SUPT3H: variants seen among roughly 807,000 people sequenced by gnomAD.
SUPT3H encodes SPT3 homolog, SAGA and STAGA complex component.
Under a neutral mutation model 44.3 loss-of-function variants are expected in SUPT3H, and 44 were observed. That is an observed-to-expected ratio of 0.99 (90% confidence interval 0.78 to 1.28). SUPT3H has a LOEUF of 1.28. SUPT3H is among the 50% of genes most tolerant of loss of function. The pLI is 0.00. For synonymous variants in SUPT3H, 124 were observed against 125.6 expected (o/e 0.99, Z 0.09); for missense variants, 380 against 387.1 (o/e 0.98, Z 0.15).
Position 45,050,030 on chromosome 6 carries a change from C to A in SUPT3H, c.187-29398G>T, listed in dbSNP as rs191391166. 5.8e-3 allele frequency among the ~76,000 whole-genome samples: 885 copies of A among 152,092 alleles called. 6 individuals carry two copies. Among genetic ancestry groups the A allele is most frequent in the Non-Finnish European group, 0.011 (720 of 67,988 alleles). On this transcript the variant is annotated intron_variant, in intron 3 of 10. Transcript: ENST00000371459. ...GGGAAAATGAAATCATATATGAAAC[C>A]CCTTACCATGAACAGGTAAAACAGA...
At chr6:45,154,087 A>AAAAAAAAAAAGC (rs70996303) in intron 2 of SUPT3H, among the ~76,000 whole-genome samples, 12 of 114,618 alleles carry the variant, frequency 1.0e-4, no homozygotes, top group Admixed American at 6.9e-4. Context: ...AAAAAAAAAA[A>AAAAAAAAAAAGC]AGCGCTTAGT....
At chr6:45,266,903 G>T (rs1775347670) in intron 2 of SUPT3H, among the ~76,000 whole-genome samples, 1 of 152,056 alleles carries the variant, frequency 6.6e-6, no homozygotes, top group Non-Finnish European at 1.5e-5. Flanking sequence ...CACCAGCATG[G>T]TATCTACAAG....
chr6:44,886,173 A>C (rs1051885067), intron 10 of SUPT3H, among the ~76,000 whole-genome samples: 1 of 152,236 alleles, frequency 6.6e-6, no homozygotes, highest in Non-Finnish European at 1.5e-5. Context: ...GGAGAATGGA[A>C]CCAAGTTGGA....
chr6:44,811,685 G>A (rs548173153), intron 11 of SUPT3H, among the ~76,000 whole-genome samples: 45 of 152,364 alleles, frequency 3.0e-4, no homozygotes, highest in Admixed American at 8.5e-4. Context: ...AGTTCTGACT[G>A]AAGAGGCTGT....
chr6:44,953,321 T>C lies in SUPT3H; in HGVS notation c.790A>G (p.Asn264Asp). Residue 264 changes from asparagine to aspartate, a missense_variant, in exon 9 of 11, where the codon AAC becomes GAC. Transcript: ENST00000371459. Reference protein sequence around the residue: ...AISATFIQYHNSAESTAACGV... With the variant: ...AISATFIQYHDSAESTAACGV... ...TTTTTTGTACTTACCTCAGCAGAGT[T>C]GTGATACTGAATGAAGGTTGCAGAA... The C allele has an allele frequency of 6.2e-7, 1 of 1,613,942 alleles. No homozygotes were observed. Among genetic ancestry groups the C allele is most frequent in the Non-Finnish European group, 8.5e-7 (1 of 1,179,868 alleles).
At chr6:45,075,561 A>G (rs751282577) in intron 3 of SUPT3H, among the ~76,000 whole-genome samples, 7 of 152,250 alleles carry the variant, frequency 4.6e-5, no homozygotes, top group Middle Eastern at 3.4e-3. Context: ...TTTTCTCGTC[A>G]TGAAATTCCA....
At chr6:44,905,872 T>C (rs1765959117) in intron 10 of SUPT3H, among the ~76,000 whole-genome samples, 1 of 152,156 alleles carries the variant, frequency 6.6e-6, no homozygotes, top group South Asian at 2.1e-4. Flanking sequence ...ATGTCCTTTG[T>C]AGGGACATGG....
chr6:45,291,581 G>A (rs147867508), intron 2 of SUPT3H, among the ~76,000 whole-genome samples: 2,672 of 152,110 alleles, frequency 0.018, 51 homozygotes, highest in South Asian at 0.085. Context: ...AAATATTCAG[G>A]GAAACAGTAT....
intron 2 of SUPT3H, among the ~76,000 whole-genome samples, chr6:45,108,728 C>T (rs149254196): frequency 0.011 from 1,707 of 152,144 alleles, 19 homozygotes; most frequent in Non-Finnish European, 0.017. Context: ...CTACAGGAAA[C>T]CACATACACA....
At chr6:45,126,531 C>G (rs1371122524) in intron 2 of SUPT3H, among the ~76,000 whole-genome samples, 1 of 152,114 alleles carries the variant, frequency 6.6e-6, no homozygotes, top group African/African-American at 2.4e-5. Flanking sequence ...CTGCTATACA[C>G]ACAGTGCACA....
chr6:44,887,058 G>C (rs1479689091), intron 10 of SUPT3H, among the ~76,000 whole-genome samples: 2 of 152,170 alleles, frequency 1.3e-5, no homozygotes, highest in Non-Finnish European at 2.9e-5. Context: ...AATACAACAA[G>C]AAGAGCTAAC....
intron 2 of SUPT3H, among the ~76,000 whole-genome samples, chr6:45,225,063 G>A (rs1304938507): frequency 1.3e-5 from 2 of 152,008 alleles, no homozygotes; most frequent in Non-Finnish European, 2.9e-5. Context: ...TGGATCACCT[G>A]AGGACAGGAG....
chr6:44,986,034 T>C (rs1052092556), intron 6 of SUPT3H, among the ~76,000 whole-genome samples: 12 of 152,134 alleles, frequency 7.9e-5, no homozygotes, highest in African/African-American at 2.7e-4. Context: ...GTATGATAAG[T>C]CCATTATCTT....
At chr6:45,076,346 G>T (rs1794996876) in intron 3 of SUPT3H, among the ~76,000 whole-genome samples, 1 of 152,110 alleles carries the variant, frequency 6.6e-6, no homozygotes, top group African/African-American at 2.4e-5. Context: ...CTATGCAAAG[G>T]TTTTACAGCT....
intron 10 of SUPT3H, among the ~76,000 whole-genome samples, chr6:44,866,271 C>T (rs966149140): frequency 6.6e-6 from 1 of 151,564 alleles, no homozygotes; most frequent in African/African-American, 2.4e-5. Context: ...GGGGAGGTGG[C>T]ACATGAATTA....
At chr6:45,099,232 G>A (rs1798209557) in intron 3 of SUPT3H, 1 of 201,822 alleles carries the variant, frequency 5.0e-6, no homozygotes, top group Admixed American at 6.0e-5. Flanking sequence ...CTCAGAGGAT[G>A]GGAGCTCATG....
chr6:45,151,307 T>C (rs1451889901), intron 2 of SUPT3H, among the ~76,000 whole-genome samples: 1 of 152,172 alleles, frequency 6.6e-6, no homozygotes, highest in Non-Finnish European at 1.5e-5. Flanking sequence ...AAAACTATTC[T>C]AATTGGCTAA....
At chr6:45,105,408 T>A (rs1478907443) in intron 3 of SUPT3H, among the ~76,000 whole-genome samples, 2 of 152,124 alleles carry the variant, frequency 1.3e-5, no homozygotes, top group African/African-American at 4.8e-5. Flanking sequence ...TCAGACAAAT[T>A]TTTTTTAAAT....
At chr6:44,985,212 T>TAAATA (rs5875901) in intron 6 of SUPT3H, among the ~76,000 whole-genome samples, 44,436 of 113,242 alleles carry the variant, frequency 0.39, 9,595 homozygotes, top group Middle Eastern at 0.45. Context: ...AATAAATAAA[T>TAAATA]AAATAAAATA....
Sources: allele counts gnomAD v4.1 joint callset (sites outside exome capture counted in the v4.1 genomes callset), GRCh38; gene constraint gnomAD v4.1.1; transcripts MANE v1.5; gene names NCBI Gene and HGNC (gene_info 2026-07-23, HGNC 2026-07-21).